The following NFKB1 variants were observed in gnomAD, a reference collection of about 807,000 sequenced individuals.
NFKB1 encodes nuclear factor NF-kappa-B p105 subunit.
Under a neutral mutation model 105.1 loss-of-function variants are expected in NFKB1, and 9 were observed. That is an observed-to-expected ratio of 0.09 (90% CI 0.05 to 0.15). The LOEUF (loss-of-function observed/expected upper bound fraction) is 0.15. Among genes scored for constraint, NFKB1 ranks in the 10% least tolerant of loss-of-function variants. The probability of loss-of-function intolerance (pLI) is 1.00; values close to 1 mark genes in which losing one functional copy is unlikely to be tolerated. For synonymous variants in NFKB1, 440 were observed against 442.2 expected (o/e 1.00, Z 0.06); for missense variants, 830 against 1,203.7 (o/e 0.69, Z 4.59).
chr4:102,590,759 A>G (rs539749492), intron 11 of NFKB1, among the ~76,000 whole-genome samples: 4 of 152,326 alleles, frequency 2.6e-5, no homozygotes, highest in African/African-American at 9.6e-5. Flanking sequence ...TAATAACCTT[A>G]CAGTGGCCTC....
chr4:102,571,313 A>C (rs553261101), intron 6 of NFKB1, among the ~76,000 whole-genome samples: 1 of 152,302 alleles, frequency 6.6e-6, no homozygotes, highest in African/African-American at 2.4e-5. Flanking sequence ...CCTTCCTTAC[A>C]CCTTATACAA....
chr4:102,551,139 T>C (rs1009610602), intron 5 of NFKB1, among the ~76,000 whole-genome samples: 3 of 152,184 alleles, frequency 2.0e-5, no homozygotes, highest in African/African-American at 7.2e-5. Flanking sequence ...CTACCTTCCT[T>C]ACATTTATGT....
chr4:102,590,517 T>C (rs1360373624), intron 11 of NFKB1, among the ~76,000 whole-genome samples: 1 of 152,238 alleles, frequency 6.6e-6, no homozygotes, highest in Non-Finnish European at 1.5e-5. Flanking sequence ...TTGGTAATTC[T>C]CTCAATACTC....
Position 102,527,932 on chromosome 4 carries a change from G to A in NFKB1, c.40-1904G>A, listed in dbSNP as rs1175584490. On this transcript the variant is annotated intron_variant, in intron 2 of 23. Coordinates refer to ENST00000226574, the MANE Select transcript of NFKB1 (RefSeq NM_003998.4). ...AAGTTTTTCTTATGTGGGCATCTTT[G>A]CGATCATCAGTAACAGGGGTGGGGC... 2.6e-5 allele frequency among the ~76,000 whole-genome samples: 4 copies of A among 152,094 alleles called. No homozygotes were observed. In the East Asian group the frequency reaches 7.7e-4, roughly 29 times the overall value.
chr4:102,566,123 A>G (rs1284254199), intron 5 of NFKB1, among the ~76,000 whole-genome samples: 2 of 152,204 alleles, frequency 1.3e-5, no homozygotes, highest in Non-Finnish European at 2.9e-5. Flanking sequence ...CCAGTCTACT[A>G]CAGGGGCTAG....
intron 5 of NFKB1, among the ~76,000 whole-genome samples, chr4:102,540,501 C>T (rs956033149): frequency 6.6e-6 from 1 of 152,202 alleles, no homozygotes; most frequent in African/African-American, 2.4e-5. Context: ...AATAATAAAG[C>T]AGGTTCAACT....
At chr4:102,550,864 T>C (rs1028864645) in intron 5 of NFKB1, among the ~76,000 whole-genome samples, 7 of 152,238 alleles carry the variant, frequency 4.6e-5, no homozygotes, top group Non-Finnish European at 8.8e-5. Context: ...TTTAGGGGTT[T>C]TCCCATCCCT....
chr4:102,551,665 C>G (rs1722625618), intron 5 of NFKB1, among the ~76,000 whole-genome samples: 1 of 152,124 alleles, frequency 6.6e-6, no homozygotes, highest in South Asian at 2.1e-4. Flanking sequence ...CACAGCATCT[C>G]CCATGCTGGT....
intron 5 of NFKB1, among the ~76,000 whole-genome samples, chr4:102,548,161 C>T (rs561032690): frequency 3.9e-5 from 6 of 152,206 alleles, no homozygotes; most frequent in East Asian, 1.9e-4. Flanking sequence ...AAGGAACTCA[C>T]GGGCCATTGC....
At chr4:102,610,530 G>A (rs1253149145) in intron 19 of NFKB1, 45 bp from the exon 20 acceptor site, 1 of 1,589,944 alleles carries the variant, frequency 6.3e-7, no homozygotes, top group East Asian at 2.2e-5. Context: ...GTTGGAAGTT[G>A]ACAAGATCTG....
chr4:102,518,294 A>G (rs1303071776), intron 1 of NFKB1, among the ~76,000 whole-genome samples: 1 of 152,176 alleles, frequency 6.6e-6, no homozygotes, highest in East Asian at 1.9e-4. Flanking sequence ...ATTTATTAAT[A>G]TTTGCACTCT....
intron 3 of NFKB1, 64 bp downstream of exon 3, chr4:102,529,978 GT>G: frequency 8.4e-7 from 1 of 1,196,374 alleles, no homozygotes; most frequent in Non-Finnish European, 1.2e-6. Flanking sequence ...TGCAGGATTT[GT>G]TAATAGTCTG....
In NFKB1 at chr4:102,597,595, G is replaced by A; in HGVS notation, c.1571G>A (p.Gly524Glu). Residue 524 changes from glycine (G) to glutamate (E), a missense_variant, in exon 15 of 24, where the codon GGA (glycine) becomes GAA (glutamate). Transcript: ENST00000226574. ...GCCCTTTTCGACTACGCGGTGACAG[G>A]AGACGTGAAGATGCTGCTGGCCGTC... The part of the protein sequence containing the change: ...ANALFDYAVT[G>E]DVKMLLAVQR... 2 of 1,613,988 alleles carry A rather than the reference G, an allele frequency of 1.2e-6. No individual in the cohort carries two copies. Among genetic ancestry groups the A allele is most frequent in the Non-Finnish European group, 1.7e-6 (2 of 1,179,928 alleles).
chr4:102,585,297 T>A (rs1406510803), intron 11 of NFKB1, among the ~76,000 whole-genome samples: 1 of 152,206 alleles, frequency 6.6e-6, no homozygotes, highest in Non-Finnish European at 1.5e-5. Flanking sequence ...TGCTTATTTT[T>A]AGAAGAGACA....
intron 19 of NFKB1, among the ~76,000 whole-genome samples, chr4:102,609,698 C>T (rs1005655518): frequency 6.7e-6 from 1 of 149,910 alleles, no homozygotes; most frequent in African/African-American, 2.5e-5. Context: ...ATCTTAATTT[C>T]TCCATGGATT....
chr4:102,596,922 CT>C (rs201829788), intron 14 of NFKB1, among the ~76,000 whole-genome samples: 5 of 150,272 alleles, frequency 3.3e-5, no homozygotes, highest in South Asian at 2.1e-4. Flanking sequence ...ATCACATATG[CT>C]TTTTTTTTAC....
At chr4:102,580,839 T>C (rs1376725414) in intron 9 of NFKB1, among the ~76,000 whole-genome samples, 200 bp downstream of exon 9, 1 of 152,226 alleles carries the variant, frequency 6.6e-6, no homozygotes, top group Non-Finnish European at 1.5e-5. Flanking sequence ...ACTAAATCAC[T>C]TTTAGATTTC....
chr4:102,586,500 T>C (rs1725723628), intron 11 of NFKB1, among the ~76,000 whole-genome samples: 1 of 152,130 alleles, frequency 6.6e-6, no homozygotes, highest in South Asian at 2.1e-4. Context: ...ATTAGAATCA[T>C]CTCAAAACGA....
intron 11 of NFKB1, among the ~76,000 whole-genome samples, chr4:102,587,411 A>G (rs1725801068): frequency 6.6e-6 from 1 of 152,104 alleles, no homozygotes; most frequent in Non-Finnish European, 1.5e-5. Flanking sequence ...AAGAAAACCC[A>G]GGTTACCTGT....
Sources: gnomAD v4.1 joint callset for allele counts (sites outside exome capture counted in the v4.1 genomes callset) on GRCh38, gnomAD v4.1.1 for gene constraint, MANE v1.5 for transcripts, NCBI Gene and HGNC (gene_info 2026-07-23, HGNC 2026-07-21) for gene names.